Variants in CACNA1C observed in about 807,000 individuals in gnomAD.
CACNA1C encodes voltage-dependent L-type calcium channel subunit alpha-1C.
CACNA1C carries 30 observed loss-of-function variants against 229.0 expected under a neutral mutation model. The ratio of observed to expected loss-of-function variants is 0.13; its 90% confidence interval spans 0.10 to 0.18. The LOEUF is 0.18. CACNA1C is among the 10% of genes least tolerant of loss of function. CACNA1C has a pLI of 1.00. For synonymous variants in CACNA1C, 1,114 were observed against 1,132.5 expected (o/e 0.98, Z 0.33); for missense variants, 1,658 against 2,845.0 (o/e 0.58, Z 9.49).
At chr12:2,365,322 A>G (rs1013377624) in intron 3 of CACNA1C, among the ~76,000 whole-genome samples, 3 of 152,258 alleles carry the variant, frequency 2.0e-5, no homozygotes, top group African/African-American at 7.2e-5. Flanking sequence ...AACATGGCAA[A>G]TTAACTGAAC....
intron 3 of CACNA1C, among the ~76,000 whole-genome samples, chr12:2,163,461 G>A (rs1244447773): frequency 6.6e-6 from 1 of 151,958 alleles, no homozygotes; most frequent in African/African-American, 2.4e-5. Flanking sequence ...TGTCATCTGT[G>A]ATGCTTCTTC....
intron 3 of CACNA1C, among the ~76,000 whole-genome samples, chr12:2,241,308 T>C (rs2070077917): frequency 6.6e-6 from 1 of 152,092 alleles, no homozygotes; most frequent in Non-Finnish European, 1.5e-5. Context: ...TTTTTAAAGA[T>C]GAGAAACCAG....
chr12:2,100,080 G>A (rs552008979), intron 1 of CACNA1C, among the ~76,000 whole-genome samples: 12 of 152,242 alleles, frequency 7.9e-5, no homozygotes, highest in African/African-American at 2.6e-4. Context: ...CTCTCAGCAC[G>A]TGTATATTAC....
At chr12:2,458,281 G>A (rs111634751) in intron 5 of CACNA1C, among the ~76,000 whole-genome samples, 3,140 of 152,258 alleles carry the variant, frequency 0.021, 114 homozygotes, top group African/African-American at 0.072. Flanking sequence ...AGGATATTCC[G>A]CTCTCTGAAT....
rs113251437 is a variant in CACNA1C at position 2,406,841 on chromosome 12, T to C, written c.478-42135T>C. Among the ~76,000 whole-genome samples the C allele has an allele frequency of 4.4e-3, 677 of 152,370 alleles. 5 individuals are homozygous for C. Among genetic ancestry groups the C allele is most frequent in the African/African-American group, 0.016 (645 of 41,588 alleles). On this transcript the variant is annotated intron_variant, in intron 3 of 46. Transcript: ENST00000399655. ...TCTTGGTATGAGGAATGATTTCCAA[T>C]TGGAACCTGGATGTTCTGGGTATTA... is the stretch of plus-strand genomic sequence containing the variant.
chr12:2,250,671 G>A (rs1008881823), intron 3 of CACNA1C, among the ~76,000 whole-genome samples: 2 of 152,140 alleles, frequency 1.3e-5, no homozygotes, highest in Admixed American at 1.3e-4. Flanking sequence ...AACCCCAGCC[G>A]GCCCTCCTGA....
chr12:2,363,267 C>G (rs1214643035), intron 3 of CACNA1C, among the ~76,000 whole-genome samples: 1 of 152,208 alleles, frequency 6.6e-6, no homozygotes, highest in Non-Finnish European at 1.5e-5. Context: ...CCTGCTTCTC[C>G]CTGGAAACCC....
chr12:2,360,177 C>CCCA (rs2097523448), intron 3 of CACNA1C, among the ~76,000 whole-genome samples: 4 of 117,522 alleles, frequency 3.4e-5, no homozygotes, highest in Non-Finnish European at 5.2e-5. Flanking sequence ...CCCCCCCACC[C>CCCA]CACACACACA....
chr12:2,682,961 G>C (rs1321186894), intron 43 of CACNA1C, among the ~76,000 whole-genome samples: 4 of 4,598 alleles, frequency 8.7e-4, no homozygotes, highest in Admixed American at 2.3e-3. Flanking sequence ...GAAAATTTCT[G>C]AACATTGTTT....
chr12:2,123,625 G>T (rs1476829584), intron 3 of CACNA1C, among the ~76,000 whole-genome samples: 1 of 152,134 alleles, frequency 6.6e-6, no homozygotes, highest in African/African-American at 2.4e-5. Context: ...CATAGCCCAG[G>T]TGAATGCTGC....
upstream of CACNA1C, chr12:2,049,350 T>C (rs942684014): frequency 2.0e-5 from 3 of 152,250 alleles, no homozygotes; most frequent in Non-Finnish European, 2.9e-5. Flanking sequence ...AATGACTTTA[T>C]GTATGTGAGG....
chr12:2,624,202 A>T (rs1404931491), intron 29 of CACNA1C, among the ~76,000 whole-genome samples: 1 of 152,226 alleles, frequency 6.6e-6, no homozygotes, highest in Non-Finnish European at 1.5e-5. Context: ...TACAGAACAC[A>T]GTTCTGGAAA....
chr12:2,380,917 A>G (rs578230165), intron 3 of CACNA1C, among the ~76,000 whole-genome samples: 2 of 152,322 alleles, frequency 1.3e-5, no homozygotes, highest in African/African-American at 4.8e-5. Context: ...CACCTACGGA[A>G]GGTGCAACCT....
At chr12:2,241,640 T>C (rs1483902604) in intron 3 of CACNA1C, among the ~76,000 whole-genome samples, 1 of 152,188 alleles carries the variant, frequency 6.6e-6, no homozygotes, top group Non-Finnish European at 1.5e-5. Context: ...GGGGCATTTT[T>C]AACCTCACGC....
At chr12:2,449,993 T>C (rs1203401272) in intron 4 of CACNA1C, among the ~76,000 whole-genome samples, 5 of 151,882 alleles carry the variant, frequency 3.3e-5, no homozygotes, top group Admixed American at 1.3e-4. Flanking sequence ...TCAAGACAGG[T>C]GGATGAGAAG....
rs2099697529 is a variant in CACNA1C, at chr12:2,486,396, T to C, written c.916+134T>C. 3 of 653,194 alleles carry C rather than the reference T, an allele frequency of 4.6e-6. No individual in the cohort carries two copies. Among genetic ancestry groups the C allele is most frequent in the Non-Finnish European group, 7.4e-6 (3 of 405,122 alleles). 40.5% of individuals were successfully genotyped at this position (653,194 alleles called of 1,614,324 possible). On this transcript the variant is annotated intron_variant, in intron 6 of 46. Coordinates refer to ENST00000399655, the MANE Select transcript of CACNA1C (RefSeq NM_000719.7). This position sits in a 1 kb window ranked among gnomAD's most constrained non-coding sequence, Gnocchi z 4.9. ...CATTCATTCAGACACACACTGGGCATGGTTAAGTGAGAGGCAGAGACCCGT... is the reference window on the plus strand; with the variant it reads ...CATTCATTCAGACACACACTGGGCACGGTTAAGTGAGAGGCAGAGACCCGT...
chr12:2,238,187 G>C (rs1199008317), intron 3 of CACNA1C, among the ~76,000 whole-genome samples: 1 of 152,166 alleles, frequency 6.6e-6, no homozygotes, highest in Non-Finnish European at 1.5e-5. Flanking sequence ...TTGTTCCCCT[G>C]AGTAACCAAT....
At chr12:2,492,212 T>G (rs1189588214) in intron 6 of CACNA1C, among the ~76,000 whole-genome samples, 1 of 152,212 alleles carries the variant, frequency 6.6e-6, no homozygotes, top group Non-Finnish European at 1.5e-5. Context: ...AGGTCTTGTT[T>G]AAATTTACCA....
intron 3 of CACNA1C, among the ~76,000 whole-genome samples, chr12:2,426,021 G>A (rs1324089671): frequency 2.0e-5 from 3 of 152,172 alleles, no homozygotes; most frequent in Non-Finnish European, 4.4e-5. Flanking sequence ...AGGCATTTGT[G>A]GTGGGACTGA....
Sources: gnomAD v4.1 joint callset for allele counts (sites outside exome capture counted in the v4.1 genomes callset) on GRCh38, gnomAD v4.1.1 for gene constraint, Gnocchi (gnomAD v3.1) non-coding constraint, MANE v1.5 for transcripts, NCBI Gene and HGNC (gene_info 2026-07-23, HGNC 2026-07-21) for gene names.